The following SIPA1L2 variants were observed in gnomAD, a reference collection of about 807,000 sequenced individuals.
The protein encoded by SIPA1L2 is signal induced proliferation associated 1 like 2, also known as signal-induced proliferation-associated 1-like protein 2.
SIPA1L2 carries 56 observed loss-of-function variants against 163.9 expected under a neutral mutation model. The ratio of observed to expected loss-of-function variants is 0.34; its 90% CI spans 0.28 to 0.43. The LOEUF (loss-of-function observed/expected upper bound fraction) is 0.43, where lower values mean the gene tolerates loss of function less well. SIPA1L2 is among the 20% of genes least tolerant of loss of function. The pLI is 1.00. For synonymous variants in SIPA1L2, 877 were observed against 865.7 expected, an observed-to-expected ratio of 1.01 and a Z score of -0.23; for missense variants, 1,974 against 2,193.5, an observed-to-expected ratio of 0.90 and a Z score of 2.00.
intron 2 of SIPA1L2, among the ~76,000 whole-genome samples, chr1:232,555,209 T>C (rs567870360): frequency 1.3e-5 from 2 of 152,312 alleles, no homozygotes; most frequent in East Asian, 3.9e-4. Flanking sequence ...ACTACTCCCA[T>C]GCCCAAAATT....
chr1:232,404,063 C>A, intron 20 of SIPA1L2, 62 bp downstream of exon 20: 3 of 1,581,540 alleles, frequency 1.9e-6, no homozygotes, highest in Non-Finnish European at 2.6e-6. Flanking sequence ...CGTGCAGACA[C>A]ATGAAATATA....
At chr1:232,450,405 GA>G (rs1237699086) in intron 10 of SIPA1L2, among the ~76,000 whole-genome samples, 4 of 152,198 alleles carry the variant, frequency 2.6e-5, no homozygotes, top group Non-Finnish European at 5.9e-5. Context: ...GACCTAATCA[GA>G]AATCAAGGGT....
chr1:232,622,890 C>A (rs142920138), intron 1 of SIPA1L2, among the ~76,000 whole-genome samples: 2 of 152,300 alleles, frequency 1.3e-5, no homozygotes, highest in East Asian at 1.9e-4. Flanking sequence ...AAAGGAAGTT[C>A]TTTTACGTTC....
rs1666024362 is a variant in SIPA1L2 at position 232,493,281 on chromosome 1, C to G, written c.1617+246G>C. Among the ~76,000 whole-genome samples, 3 of 152,268 alleles carry G rather than the reference C, an allele frequency of 2.0e-5. 1 individual carries two copies. The South Asian group carries it at 6.2e-4, about 32-fold the overall frequency. ...TTAAACCTTTTCTTCATAAATTACC[C>G]AGTCTCAGGTGGTTCTTTATAGTAG... On this transcript the variant is annotated intron_variant, in intron 4 of 22. Coordinates refer to ENST00000674635, the MANE Select transcript of SIPA1L2 (RefSeq NM_020808.5).
intron 7 of SIPA1L2, among the ~76,000 whole-genome samples, chr1:232,472,296 A>C (rs1664839843): frequency 6.6e-6 from 1 of 152,012 alleles, no homozygotes; most frequent in African/African-American, 2.4e-5. Context: ...TCCCGGGCCT[A>C]TTTCTATTAC....
At chr1:232,450,087 G>C (rs899441234) in intron 10 of SIPA1L2, among the ~76,000 whole-genome samples, 11 of 152,276 alleles carry the variant, frequency 7.2e-5, no homozygotes, top group Admixed American at 3.3e-4. Flanking sequence ...CCTGCTTATA[G>C]AACATGAGGT....
chr1:232,404,077 A>C, intron 20 of SIPA1L2, 48 bp downstream of exon 20: 2 of 1,605,080 alleles, frequency 1.2e-6, no homozygotes, highest in South Asian at 2.2e-5. Context: ...AAATATACAG[A>C]AAAGGTTACA....
chr1:232,498,683 T>C (rs115314081), intron 3 of SIPA1L2, among the ~76,000 whole-genome samples: 51 of 152,334 alleles, frequency 3.3e-4, no homozygotes, highest in African/African-American at 1.2e-3. Flanking sequence ...CCTAGCATCT[T>C]GTTTCAGTGG....
intron 1 of SIPA1L2, among the ~76,000 whole-genome samples, chr1:232,581,884 A>C (rs190526668): frequency 1.3e-5 from 2 of 152,324 alleles, no homozygotes; most frequent in Admixed American, 6.5e-5. Context: ...GACATTTCCA[A>C]GAGAAAAACT....
At position 232,513,963 on chromosome 1, in the gene SIPA1L2, T is replaced by C. The variant is rs2103043865; in HGVS notation, c.1377A>G (p.Glu459=). The C allele has an allele frequency of 6.2e-7, 1 of 1,614,226 alleles. No homozygotes were observed. Residue 459 remains glutamate (E), a synonymous_variant, in exon 3 of 23, where the codon GAA becomes GAG. Transcript: ENST00000674635. ...GAATAGGCTGGTTTTCTCTGGGCAC[T>C]TCCAAGACGGAGACACCTGCATTTG... ...HCTNAGVSVL[E]VPRENQPIHR...
At chr1:232,557,181 C>A (rs1658761971) in intron 2 of SIPA1L2, among the ~76,000 whole-genome samples, 1 of 152,170 alleles carries the variant, frequency 6.6e-6, no homozygotes, top group Admixed American at 6.6e-5. Context: ...ATTGCTATCA[C>A]AAATTCAGCA....
chr1:232,418,579 A>T (rs561593525), intron 18 of SIPA1L2, among the ~76,000 whole-genome samples: 1 of 152,138 alleles, frequency 6.6e-6, no homozygotes, highest in Non-Finnish European at 1.5e-5. Context: ...CCCCTACGCA[A>T]TGCATGCAGA....
intron 3 of SIPA1L2, among the ~76,000 whole-genome samples, chr1:232,511,738 T>C (rs1666989957): frequency 6.9e-6 from 1 of 143,932 alleles, no homozygotes; most frequent in Non-Finnish European, 1.5e-5. Flanking sequence ...CAGAAACCAA[T>C]ACTGATGAAA....
chr1:232,567,599 C>G (rs1399478274), intron 2 of SIPA1L2, among the ~76,000 whole-genome samples: 1 of 152,134 alleles, frequency 6.6e-6, no homozygotes, highest in African/African-American at 2.4e-5. Context: ...TTGTTTTGAG[C>G]CTGATTAGCA....
intron 8 of SIPA1L2, among the ~76,000 whole-genome samples, chr1:232,466,745 C>T (rs963294873): frequency 6.6e-6 from 1 of 152,128 alleles, no homozygotes. Context: ...GAGCCGAGAT[C>T]ACGCCACTGC....
intron 18 of SIPA1L2, among the ~76,000 whole-genome samples, chr1:232,420,194 A>T (rs1406619735): frequency 6.6e-6 from 1 of 152,112 alleles, no homozygotes; most frequent in Non-Finnish European, 1.5e-5. Flanking sequence ...GTGGTGGTAC[A>T]TTCCTGTAAT....
intron 10 of SIPA1L2, among the ~76,000 whole-genome samples, chr1:232,454,405 T>C (rs748782923): frequency 1.3e-5 from 2 of 152,204 alleles, no homozygotes; most frequent in Non-Finnish European, 2.9e-5. Context: ...GATGGTATCT[T>C]TGTATCCCCA....
At chr1:232,477,921 G>A (rs1665130327) in intron 7 of SIPA1L2, among the ~76,000 whole-genome samples, 2 of 152,190 alleles carry the variant, frequency 1.3e-5, no homozygotes, top group African/African-American at 4.8e-5. Flanking sequence ...AATACTCGAT[G>A]ACGGGGGTCA....
At chr1:232,519,996 G>C (rs544736908) in intron 2 of SIPA1L2, among the ~76,000 whole-genome samples, 1 of 152,314 alleles carries the variant, frequency 6.6e-6, no homozygotes, top group Non-Finnish European at 1.5e-5. Context: ...TATGAGGCCT[G>C]TGACCTTGTC....
Sources: gnomAD v4.1 joint callset for allele counts (sites outside exome capture counted in the v4.1 genomes callset) on GRCh38, gnomAD v4.1.1 for gene constraint, MANE v1.5 for transcripts, NCBI Gene and HGNC (gene_info 2026-07-23, HGNC 2026-07-21) for gene names.